The following CDS2 variants were observed in gnomAD, a reference collection of about 807,000 sequenced individuals.
CDS2 encodes the protein CDP-diacylglycerol synthase 2.
In CDS2, 47 loss-of-function variants were observed where a neutral mutation model predicts 59.0. The ratio of observed to expected loss-of-function variants is 0.80; its 90% confidence interval spans 0.63 to 1.02. The LOEUF is 1.02. Among genes scored for constraint, CDS2 ranks in the 50% least tolerant of loss-of-function variants. The pLI is 0.00. For synonymous variants in CDS2, 207 were observed against 206.4 expected, an observed-to-expected ratio of 1.00 and a Z score of -0.02; for missense variants, 356 against 558.9, an observed-to-expected ratio of 0.64 and a Z score of 3.66.
chr20:5,188,942 C>A, intron 10 of CDS2, 125 bp from the exon 11 acceptor site: 3 of 1,210,410 alleles, frequency 2.5e-6, no homozygotes, highest in East Asian at 4.7e-5. Context: ...ACCCAAACAC[C>A]TCCCACTAGG....
intron 1 of CDS2, among the ~76,000 whole-genome samples, chr20:5,127,780 G>A (rs2090567708): frequency 2.0e-5 from 3 of 152,056 alleles, no homozygotes; most frequent in Admixed American, 2.0e-4. Context: ...TAGGAAGGAG[G>A]CCATCTTGGC....
At chr20:5,133,553 T>G (rs1016546320) in intron 1 of CDS2, among the ~76,000 whole-genome samples, 5 of 151,380 alleles carry the variant, frequency 3.3e-5, no homozygotes, top group Non-Finnish European at 5.9e-5. Context: ...TGAGACGAAG[T>G]TTCGCTGTTG....
At chr20:5,155,180 C>T (rs540124969) in intron 1 of CDS2, among the ~76,000 whole-genome samples, 2 of 152,346 alleles carry the variant, frequency 1.3e-5, no homozygotes, top group East Asian at 3.9e-4. Context: ...TCCCCCACCC[C>T]AAGTCATTTT....
At chr20:5,178,224 G>T (rs1212868895) in intron 4 of CDS2, among the ~76,000 whole-genome samples, 1 of 152,212 alleles carries the variant, frequency 6.6e-6, no homozygotes, top group African/African-American at 2.4e-5. Context: ...AGAGGCAGAT[G>T]CATCATTAAT....
intron 1 of CDS2, among the ~76,000 whole-genome samples, chr20:5,171,628 C>T (rs1234742227): frequency 2.6e-5 from 4 of 152,218 alleles, no homozygotes; most frequent in African/African-American, 9.6e-5. Flanking sequence ...CATTTAGTCT[C>T]CCTGGAGAGG....
chr20:5,159,637 C>T (rs1395993192), intron 1 of CDS2, among the ~76,000 whole-genome samples: 1 of 152,090 alleles, frequency 6.6e-6, no homozygotes, highest in Non-Finnish European at 1.5e-5. Flanking sequence ...CAGATGGTAA[C>T]TGCTTTGTTC....
intron 1 of CDS2, among the ~76,000 whole-genome samples, chr20:5,145,045 C>T (rs997260632): frequency 6.6e-6 from 1 of 151,982 alleles, no homozygotes; most frequent in Non-Finnish European, 1.5e-5. Flanking sequence ...GGAAGAGGAA[C>T]AGGATGGAGT....
chr20:5,179,097 A>C lies in CDS2; in HGVS notation c.529+141A>C, dbSNP rs563986851. ...TGCAGGGGAGCAGAGCTGATGCTCT[A>C]TGTTAAGCTGTAGCAGCTGTTACCT... is the stretch of plus-strand genomic sequence containing the variant. On this transcript the variant is annotated intron_variant, in intron 5 of 12. Transcript: ENST00000460006. The C allele has an allele frequency of 6.3e-6, 4 of 637,396 alleles. No individual in the cohort carries two copies. The African/African-American group carries it at 7.5e-5, about 12-fold the overall frequency. The allele number at this position is 637,396 out of a possible 1,614,324, so 39.5% of individuals were successfully genotyped here. A position where few individuals can be genotyped will look rare whatever the true frequency, so the allele number is the denominator to read the frequency against.
intron 5 of CDS2, among the ~76,000 whole-genome samples, chr20:5,180,280 A>G (rs1381016949): frequency 2.0e-5 from 3 of 151,572 alleles, no homozygotes; most frequent in Admixed American, 6.6e-5. Context: ...CCCTATGAAT[A>G]CTAGGACAGG....
chr20:5,133,044 G>A (rs998581185), intron 1 of CDS2, among the ~76,000 whole-genome samples: 3 of 151,092 alleles, frequency 2.0e-5, no homozygotes, highest in Non-Finnish European at 4.4e-5. Context: ...GTGTGGTGGC[G>A]CCCGTAGTCC....
Position 5,196,070 on chromosome 20 carries a change from CTG to C in CDS2, c.*5839_*5840del, listed in dbSNP as rs1301464252. On this transcript the variant is annotated 3_prime_UTR_variant, in exon 13 of 13. Coordinates refer to ENST00000460006, the MANE Select transcript of CDS2 (RefSeq NM_003818.4). ...AATAATAACTGAACTACTGGTTTGACTGTGGATTATTTCCTGGGTATTAGTGG... is the reference window on the plus strand; with the variant it reads ...AATAATAACTGAACTACTGGTTTGACTGGATTATTTCCTGGGTATTAGTGG... 1 of 152,144 alleles carries C rather than the reference CTG, an allele frequency of 6.6e-6. No individual in the cohort carries two copies. Among genetic ancestry groups the C allele is most frequent in the Non-Finnish European group, 1.5e-5 (1 of 68,022 alleles). 9.4% of individuals were successfully genotyped at this position (152,144 alleles called of 1,614,324 possible). A position where few individuals can be genotyped will look rare whatever the true frequency, so the allele number is the denominator to read the frequency against.
chr20:5,138,560 A>G (rs955395815), intron 1 of CDS2, among the ~76,000 whole-genome samples: 65 of 151,732 alleles, frequency 4.3e-4, no homozygotes, highest in African/African-American at 1.4e-3. Context: ...ATTTTGGCTC[A>G]CTGCAACCTC....
rs991572054 is a variant in CDS2, at chr20:5,190,655, C to A, written c.*421C>A. On this transcript the variant is annotated 3_prime_UTR_variant, in exon 13 of 13. Coordinates refer to ENST00000460006, the MANE Select transcript of CDS2 (RefSeq NM_003818.4). ...ACTTCCCCACCTGTGGTGGGAGGCA[C>A]AGCTTAGATGTTTTGTACACCTGGT... 6.5e-6 allele frequency: 1 copy of A among 152,756 alleles called. No individual in the cohort carries two copies. Among genetic ancestry groups the A allele is most frequent in the African/African-American group, 2.4e-5 (1 of 41,320 alleles). The allele number at this position is 152,756 out of a possible 1,614,324, so 9.5% of individuals were successfully genotyped here.
At chr20:5,180,515 C>T (rs1202108984) in intron 5 of CDS2, among the ~76,000 whole-genome samples, 2 of 152,126 alleles carry the variant, frequency 1.3e-5, no homozygotes, top group East Asian at 3.9e-4. Context: ...ACTGCCATGT[C>T]ACTGATTGGA....
At chr20:5,172,480 A>C (rs960980341) in intron 1 of CDS2, among the ~76,000 whole-genome samples, 1 of 152,252 alleles carries the variant, frequency 6.6e-6, no homozygotes, top group Admixed American at 6.5e-5. Flanking sequence ...GAAGATACCA[A>C]GTGGCCAGTG....
intron 1 of CDS2, among the ~76,000 whole-genome samples, chr20:5,148,406 G>T (rs1344053788): frequency 6.6e-6 from 1 of 152,146 alleles, no homozygotes; most frequent in African/African-American, 2.4e-5. Context: ...AAAATAAGAG[G>T]TCTTTGGTGC....
intron 1 of CDS2, among the ~76,000 whole-genome samples, chr20:5,134,778 T>C (rs1410726357): frequency 6.6e-6 from 1 of 152,158 alleles, no homozygotes; most frequent in Non-Finnish European, 1.5e-5. Flanking sequence ...GCCTTGGCCT[T>C]CTACAATGCT....
At chr20:5,174,487 A>C (rs2090979652) in intron 2 of CDS2, among the ~76,000 whole-genome samples, 1 of 152,212 alleles carries the variant, frequency 6.6e-6, no homozygotes, top group South Asian at 2.1e-4. Flanking sequence ...CTGTAATTCC[A>C]GCACTTTGGG....
chr20:5,182,923 C>A, intron 6 of CDS2, 138 bp from the exon 7 acceptor site: 1 of 684,564 alleles, frequency 1.5e-6, no homozygotes, highest in Non-Finnish European at 2.5e-6. Flanking sequence ...CTTACCTGTT[C>A]ACTTTCAATA....
Sources: gnomAD v4.1 joint callset for allele counts (sites outside exome capture counted in the v4.1 genomes callset) on GRCh38, gnomAD v4.1.1 for gene constraint, MANE v1.5 for transcripts, NCBI Gene and HGNC (gene_info 2026-07-23, HGNC 2026-07-21) for gene names.